The following TDRD7 variants were observed in gnomAD, a reference collection of about 807,000 sequenced individuals.
The protein encoded by TDRD7 is tudor domain containing 7.
TDRD7 carries 47 observed loss-of-function variants against 109.8 expected under a neutral mutation model. The observed-to-expected ratio is 0.43, with a 90% CI of 0.34 to 0.55. The LOEUF (loss-of-function observed/expected upper bound fraction) is 0.55, where lower values mean the gene tolerates loss of function less well. Among genes scored for constraint, TDRD7 ranks in the 20% least tolerant of loss-of-function variants. The pLI is 0.03. For missense variants in TDRD7, 1,164 were observed against 1,319.2 expected, an observed-to-expected ratio of 0.88 and a Z score of 1.82; for synonymous variants, 424 against 457.3, an observed-to-expected ratio of 0.93 and a Z score of 0.93.
At chr9:97,441,990 T>G in intron 6 of TDRD7, 115 bp downstream of exon 6, 4 of 826,374 alleles carry the variant, frequency 4.8e-6, no homozygotes, top group Non-Finnish European at 8.4e-6. Flanking sequence ...TTACATATGT[T>G]ACCTCATTAA....
chr9:97,493,472 A>G (rs1003433699), intron 16 of TDRD7, among the ~76,000 whole-genome samples: 2 of 152,136 alleles, frequency 1.3e-5, no homozygotes, highest in African/African-American at 2.4e-5. Flanking sequence ...TTCACAAGGT[A>G]ATAAGATATC....
chr9:97,425,013 A>G (rs576809213), intron 1 of TDRD7, among the ~76,000 whole-genome samples: 41 of 152,128 alleles, frequency 2.7e-4, no homozygotes, highest in Non-Finnish European at 5.4e-4. Flanking sequence ...TCAGCTTTCA[A>G]ATGACACTAC....
intron 1 of TDRD7, among the ~76,000 whole-genome samples, chr9:97,424,847 C>CT (rs544050504): frequency 4.6e-5 from 7 of 151,626 alleles, no homozygotes; most frequent in South Asian, 2.1e-4. Flanking sequence ...TTTCTCTACC[C>CT]TTTTTTTTCT....
At chr9:97,487,426 A>T in intron 16 of TDRD7, 94 bp downstream of exon 16, 1 of 1,562,384 alleles carries the variant, frequency 6.4e-7, no homozygotes, top group Non-Finnish European at 8.8e-7. Flanking sequence ...TGGCCTCTTG[A>T]GTTTAGGTAT....
chr9:97,424,049 C>CTTTTTTTTTTTT (rs56369544), intron 1 of TDRD7, among the ~76,000 whole-genome samples: 2 of 48,868 alleles, frequency 4.1e-5, no homozygotes, highest in Non-Finnish European at 6.9e-5. Flanking sequence ...CTTTTATATT[C>CTTTTTTTTTTTT]TTTTTTTTTT....
chr9:97,438,067 G>A (rs1414375748), intron 4 of TDRD7, among the ~76,000 whole-genome samples: 1 of 151,926 alleles, frequency 6.6e-6, no homozygotes, highest in African/African-American at 2.4e-5. Flanking sequence ...TGGAGCCTTC[G>A]ATGCTTGTTT....
chr9:97,481,552 T>C lies in TDRD7; in HGVS notation c.2412+614T>C, dbSNP rs140820322. 6.2e-3 allele frequency among the ~76,000 whole-genome samples: 938 copies of C among 152,336 alleles called. 8 individuals carry two copies. The highest frequency in any genetic ancestry group is 0.01 in the Non-Finnish European group (694 of 68,026). On this transcript the variant is annotated intron_variant, in intron 14 of 16. Transcript: ENST00000355295. Reference sequence around the variant, plus strand: ...ATTGTATGACTGTTTTATATAAACATTTAAAATGAAATGTCCTTGAAAAAT... The same window carrying C: ...ATTGTATGACTGTTTTATATAAACACTTAAAATGAAATGTCCTTGAAAAAT...
chr9:97,452,949 G>T (rs572669433), intron 6 of TDRD7, among the ~76,000 whole-genome samples: 32 of 152,232 alleles, frequency 2.1e-4, no homozygotes, highest in African/African-American at 7.7e-4. Flanking sequence ...CACATCTAAG[G>T]CACAGATGGA....
rs532096842 is a variant in TDRD7, at chr9:97,473,435, A to G, written c.1945-57A>G. The G allele has an allele frequency of 2.0e-4, 321 of 1,610,162 alleles. No homozygotes were observed. In the African/African-American group the frequency reaches 3.9e-3, roughly 19 times the overall value. On this transcript the variant is annotated intron_variant, in intron 10 of 16. Transcript: ENST00000355295. ...ATGTTTAGGTAGATACCCTTTAGGT[A>G]GGTAAGAGCTGCATTCTGCTCTCAA...
At chr9:97,445,581 A>C (rs1026841291) in intron 6 of TDRD7, among the ~76,000 whole-genome samples, 6 of 152,186 alleles carry the variant, frequency 3.9e-5, no homozygotes, top group Non-Finnish European at 8.8e-5. Context: ...TGAGTTAGGT[A>C]AAGAGGGAGG....
chr9:97,470,786 G>C (rs1828897297), intron 9 of TDRD7, 117 bp downstream of exon 9: 2 of 749,942 alleles, frequency 2.7e-6, no homozygotes, highest in African/African-American at 1.7e-5. Context: ...GTTACTTCTT[G>C]AAAGGTTTAA....
chr9:97,451,160 A>C (rs1828483730), intron 6 of TDRD7, among the ~76,000 whole-genome samples: 1 of 152,044 alleles, frequency 6.6e-6, no homozygotes, highest in Non-Finnish European at 1.5e-5. Flanking sequence ...AAACATATGG[A>C]GCTTCCTGTA....
intron 6 of TDRD7, among the ~76,000 whole-genome samples, chr9:97,443,379 GCT>G (rs1191881447): frequency 6.6e-6 from 1 of 152,160 alleles, no homozygotes; most frequent in African/African-American, 2.4e-5. Context: ...TGGAAATATG[GCT>G]CTGTTTCCCT....
At chr9:97,413,900 T>C (rs531742204) in intron 1 of TDRD7, among the ~76,000 whole-genome samples, 3 of 152,348 alleles carry the variant, frequency 2.0e-5, no homozygotes, top group Admixed American at 6.5e-5. Context: ...AACTATTGTA[T>C]TGTGCATCAA....
At chr9:97,445,555 G>T (rs1044581160) in intron 6 of TDRD7, among the ~76,000 whole-genome samples, 1 of 152,152 alleles carries the variant, frequency 6.6e-6, no homozygotes, top group Non-Finnish European at 1.5e-5. Context: ...ACTAAAACCT[G>T]ACAGATGGGT....
intron 14 of TDRD7, among the ~76,000 whole-genome samples, chr9:97,482,566 T>C (rs1439206246): frequency 6.6e-6 from 1 of 152,224 alleles, no homozygotes. Flanking sequence ...TATAGAATCC[T>C]TTCTGTCAAT....
chr9:97,417,178 T>C (rs1196809010), intron 1 of TDRD7, among the ~76,000 whole-genome samples: 1 of 152,114 alleles, frequency 6.6e-6, no homozygotes, highest in African/African-American at 2.4e-5. Context: ...CTCAGGCATG[T>C]TCAAGGAAAA....
rs1217788345 is a variant in TDRD7, at chr9:97,480,372, CT to C, written c.2302-455del. The C allele has an allele frequency of 1.4e-5, 3 of 208,168 alleles. No homozygotes were observed. The Admixed American group carries it at 1.6e-4, about 11-fold the overall frequency. 12.9% of individuals were successfully genotyped at this position (208,168 alleles called of 1,614,324 possible). A position where few individuals can be genotyped will look rare whatever the true frequency, so the allele number is the denominator to read the frequency against. ...AAATGTGCCTGGTACCCACGAGGTA[CT>C]CAGGAAATGCTGAATGAAGCAACAG... On this transcript the variant is annotated intron_variant, in intron 13 of 16. Coordinates refer to ENST00000355295, the MANE Select transcript of TDRD7 (RefSeq NM_014290.3).
intron 6 of TDRD7, among the ~76,000 whole-genome samples, chr9:97,455,202 AAAG>A (rs2118456107): frequency 6.6e-6 from 1 of 152,312 alleles, no homozygotes; most frequent in East Asian, 1.9e-4. Context: ...CCAACCAAAA[AAAG>A]CCCGGGCCCA....
Sources: gnomAD v4.1 joint callset for allele counts (sites outside exome capture counted in the v4.1 genomes callset) on GRCh38, gnomAD v4.1.1 for gene constraint, MANE v1.5 for transcripts, NCBI Gene and HGNC (gene_info 2026-07-23, HGNC 2026-07-21) for gene names.